The following NRXN1 variants were observed in gnomAD, a reference collection of about 807,000 sequenced individuals.
The protein encoded by NRXN1 is neurexin-1.
A neutral mutation model predicts 150.9 loss-of-function variants in NRXN1; 39 were observed. The observed-to-expected ratio is 0.26, with a 90% CI of 0.20 to 0.34. The LOEUF (loss-of-function observed/expected upper bound fraction) is 0.34, where lower values mean the gene tolerates loss of function less well. NRXN1 is among the 10% of genes least tolerant of loss of function. The pLI is 1.00. For synonymous variants in NRXN1, 924 were observed against 757.0 expected (o/e 1.22, Z -3.62); for missense variants, 1,815 against 1,949.9 (o/e 0.93, Z 1.30).
intron 2 of NRXN1, among the ~76,000 whole-genome samples, chr2:51,006,613 T>C (rs774653197): frequency 2.0e-5 from 3 of 151,910 alleles, no homozygotes; most frequent in Non-Finnish European, 4.4e-5. Context: ...TCTGTTACTC[T>C]CTATTTTTCT....
At chr2:50,332,718 T>C (rs548177384) in intron 17 of NRXN1, among the ~76,000 whole-genome samples, 2 of 152,356 alleles carry the variant, frequency 1.3e-5, no homozygotes, top group Non-Finnish European at 2.9e-5. Flanking sequence ...CAGCAAGTAA[T>C]TGGACATTTT....
At chr2:50,447,855 T>C (rs1471287639) in intron 17 of NRXN1, among the ~76,000 whole-genome samples, 1 of 146,616 alleles carries the variant, frequency 6.8e-6, no homozygotes, top group Non-Finnish European at 1.5e-5. Flanking sequence ...ACAAATGAAA[T>C]AGAGAACTTC....
intron 1 of NRXN1, among the ~76,000 whole-genome samples, 186 bp downstream of exon 1, chr2:51,031,795 C>G (rs1671600622): frequency 6.6e-6 from 1 of 152,106 alleles, no homozygotes; most frequent in East Asian, 1.9e-4. Flanking sequence ...TCCACCATCT[C>G]TTCTTGCCAT....
chr2:50,171,347 T>A (rs529782434), intron 18 of NRXN1, among the ~76,000 whole-genome samples: 19 of 152,230 alleles, frequency 1.2e-4, no homozygotes, highest in Admixed American at 7.9e-4. Context: ...TATTCAAATA[T>A]TCATATTTTC....
At chr2:50,558,432 T>A (rs555323150) in intron 8 of NRXN1, among the ~76,000 whole-genome samples, 7 of 152,330 alleles carry the variant, frequency 4.6e-5, no homozygotes, top group African/African-American at 1.2e-4. Context: ...ATGATAACCT[T>A]TCAATGAGTT....
chr2:50,657,075 G>T (rs149312025), intron 5 of NRXN1, among the ~76,000 whole-genome samples: 1 of 151,996 alleles, frequency 6.6e-6, no homozygotes, highest in Non-Finnish European at 1.5e-5. Context: ...GTGGTTTCTC[G>T]TCTCTCTCAG....
intron 17 of NRXN1, among the ~76,000 whole-genome samples, chr2:50,413,434 C>G (rs748352076): frequency 1.3e-5 from 2 of 152,048 alleles, no homozygotes; most frequent in African/African-American, 2.4e-5. Flanking sequence ...CTCAATATCA[C>G]AGATCATCGG....
rs527857669 is a variant in NRXN1 at position 50,140,896 on chromosome 2, G to A, written c.3547-49402C>T. ...TTATGTTCTGCATATATATGTGTTC[G>A]TGTGTGTGTGTATATATATATATAA... On this transcript the variant is annotated intron_variant, in intron 18 of 22. Coordinates refer to ENST00000401669, the MANE Select transcript of NRXN1 (RefSeq NM_001330078.2). Among the ~76,000 whole-genome samples the A allele has an allele frequency of 3.3e-5, 5 of 151,514 alleles. 1 individual carries two copies. The highest frequency in any genetic ancestry group is 3.5e-3 in the Middle Eastern group (1 of 288).
At chr2:50,396,492 T>TCCC (rs2082057705) in intron 17 of NRXN1, among the ~76,000 whole-genome samples, 6 of 152,184 alleles carry the variant, frequency 3.9e-5, no homozygotes, top group Non-Finnish European at 7.4e-5. Flanking sequence ...TGCTTGAATT[T>TCCC]TACTAGGTAG....
rs6751263 is a variant in NRXN1, at chr2:50,098,851, T to G, written c.3547-7357A>C. Among the ~76,000 whole-genome samples, 52 of 16,804 alleles carry G rather than the reference T, an allele frequency of 3.1e-3. 2 individuals are homozygous for G. The highest frequency in any genetic ancestry group is 9.0e-3 in the African/African-American group (39 of 4,344). 11.0% of individuals were successfully genotyped at this position (16,804 alleles called of 152,430 possible). ...TTTAGTTTTTTTTTTTTTTTTTTTT[T>G]TTTTTTTTTTTTTTTTTTTTTTTTT... On this transcript the variant is annotated intron_variant, in intron 18 of 22. Transcript: ENST00000401669.
chr2:51,027,434 A>T lies in NRXN1; in HGVS notation c.772+68T>A. ...CAAGATTAGGAAGACCCCATGCACC[A>T]GCCCGGTCCCCTCCTCCCCGAGCCC... On this transcript the variant is annotated intron_variant, in intron 2 of 22. Transcript: ENST00000401669. 2.8e-6 allele frequency: 4 copies of T among 1,437,494 alleles called. No individual in the cohort carries two copies. The South Asian group carries it at 6.1e-5, about 22-fold the overall frequency. 89.0% of individuals were successfully genotyped at this position (1,437,494 alleles called of 1,614,324 possible).
chr2:50,432,920 C>T (rs115617163), intron 17 of NRXN1, among the ~76,000 whole-genome samples: 1,812 of 152,240 alleles, frequency 0.012, 35 homozygotes, highest in African/African-American at 0.04. Context: ...GGCTTCCCAT[C>T]CCCGATTTCC....
chr2:50,668,552 T>C (rs1688393472), intron 5 of NRXN1, among the ~76,000 whole-genome samples: 1 of 152,132 alleles, frequency 6.6e-6, no homozygotes, highest in Non-Finnish European at 1.5e-5. Context: ...TACAATAGGT[T>C]GTGTTTTGCT....
intron 17 of NRXN1, among the ~76,000 whole-genome samples, chr2:50,430,486 T>C (rs2084876835): frequency 1.3e-5 from 2 of 152,206 alleles, no homozygotes; most frequent in African/African-American, 4.8e-5. Flanking sequence ...GGTGCAACTA[T>C]CTGGTTTTTA....
At chr2:51,022,999 G>T (rs1177845064) in intron 2 of NRXN1, among the ~76,000 whole-genome samples, 1 of 152,122 alleles carries the variant, frequency 6.6e-6, no homozygotes, top group East Asian at 1.9e-4. Flanking sequence ...CTTTTCATAG[G>T]TAGAACCAAA....
At chr2:49,987,430 T>G (rs1681119762) in intron 21 of NRXN1, among the ~76,000 whole-genome samples, 1 of 152,162 alleles carries the variant, frequency 6.6e-6, no homozygotes, top group South Asian at 2.1e-4. Flanking sequence ...TATTTATTAT[T>G]TTTTGTGTCT....
At chr2:50,295,862 AC>A (rs1261983741) in intron 17 of NRXN1, among the ~76,000 whole-genome samples, 1 of 152,264 alleles carries the variant, frequency 6.6e-6, no homozygotes, top group African/African-American at 2.4e-5. Flanking sequence ...GCACTGAAAG[AC>A]AATTGGGAGA....
chr2:50,554,621 C>T (rs949884276), intron 8 of NRXN1: 22 of 152,202 alleles, frequency 1.4e-4, no homozygotes, highest in Non-Finnish European at 2.5e-4. Context: ...ATATTAACTA[C>T]GTAAAATACA....
chr2:50,068,902 G>GC (rs1467085091), intron 19 of NRXN1, among the ~76,000 whole-genome samples: 1 of 152,136 alleles, frequency 6.6e-6, no homozygotes, highest in Non-Finnish European at 1.5e-5. Flanking sequence ...CCGAACGTAG[G>GC]TGCTTTATCA....
Sources: gnomAD v4.1 joint callset for allele counts (sites outside exome capture counted in the v4.1 genomes callset) on GRCh38, gnomAD v4.1.1 for gene constraint, MANE v1.5 for transcripts, NCBI Gene and HGNC (gene_info 2026-07-23, HGNC 2026-07-21) for gene names.